SEC63: variants seen among roughly 807,000 people sequenced by gnomAD.
SEC63 encodes the protein translocation protein SEC63 homolog.
In SEC63, 56 loss-of-function variants were observed where a neutral mutation model predicts 116.2. The ratio of observed to expected loss-of-function variants is 0.48; its 90% CI spans 0.39 to 0.60. The LOEUF is 0.60. Among genes scored for constraint, SEC63 ranks in the 20% least tolerant of loss-of-function variants. The probability of loss-of-function intolerance (pLI) is 0.00; values close to 1 mark genes in which losing one functional copy is unlikely to be tolerated. For synonymous variants in SEC63, 273 were observed against 294.6 expected (o/e 0.93, Z 0.75); for missense variants, 668 against 900.0 (o/e 0.74, Z 3.30).
chr6:107,871,655 CA>C lies in SEC63; in HGVS notation c.*48del, dbSNP rs745633662. On this transcript the variant is annotated 3_prime_UTR_variant, in exon 21 of 21. Transcript: ENST00000369002. ...GGTTTATGATACACTTCCAAAACAG[CA>C]AAAAATTGCAAATATGTGCAAACAC... 8.1e-6 allele frequency: 13 copies of C among 1,602,800 alleles called. No individual in the cohort carries two copies. The highest frequency in any genetic ancestry group is 1.0e-5 in the Non-Finnish European group (12 of 1,172,868).
intron 17 of SEC63, 67 bp from the exon 18 acceptor site, chr6:107,881,317 G>A (rs1218419710): frequency 5.4e-6 from 6 of 1,114,116 alleles, no homozygotes; most frequent in Admixed American, 3.4e-5. Context: ...GGATTTCCAG[G>A]TATTATTCCT....
rs549693111 is a variant in SEC63, at chr6:107,889,897, G to A, written c.1674+3585C>T. ...TCCATGTAGTTGTGCAGTTCTGAGC[G>A]AGTTTCCTAATCCTGAGTTCTAGTT... On this transcript the variant is annotated intron_variant, in intron 16 of 20. Coordinates refer to ENST00000369002, the MANE Select transcript of SEC63 (RefSeq NM_007214.5). 5.9e-5 allele frequency among the ~76,000 whole-genome samples: 9 copies of A among 152,286 alleles called. No individual in the cohort carries two copies. In the South Asian group the frequency reaches 6.2e-4, roughly 11 times the overall value.
intron 8 of SEC63, among the ~76,000 whole-genome samples, chr6:107,908,110 A>T (rs1263175590): frequency 6.6e-6 from 1 of 152,234 alleles, no homozygotes; most frequent in Non-Finnish European, 1.5e-5. Flanking sequence ...AGTCTCTCTC[A>T]TTACTAAGAA....
chr6:107,905,334 T>A (rs142432396), intron 10 of SEC63, among the ~76,000 whole-genome samples: 3 of 152,220 alleles, frequency 2.0e-5, no homozygotes, highest in Non-Finnish European at 4.4e-5. Context: ...GCCTAAATAG[T>A]GCTCCTTCAT....
At chr6:107,871,877 G>A in intron 20 of SEC63, 30 bp from the exon 21 acceptor site, 2 of 1,610,022 alleles carry the variant, frequency 1.2e-6, no homozygotes, top group Non-Finnish European at 1.7e-6. Flanking sequence ...GTAGACATCA[G>A]AAATTTGGGG....
At chr6:107,901,847 CA>C (rs1211081140) in intron 12 of SEC63, among the ~76,000 whole-genome samples, 1 of 151,920 alleles carries the variant, frequency 6.6e-6, no homozygotes, top group Non-Finnish European at 1.5e-5. Flanking sequence ...ATTTTAATAA[CA>C]AAAACCTTTA....
At chr6:107,935,491 C>T (rs1190624901) in intron 1 of SEC63, among the ~76,000 whole-genome samples, 1 of 149,300 alleles carries the variant, frequency 6.7e-6, no homozygotes, top group Admixed American at 6.7e-5. Flanking sequence ...GTGACCTTAC[C>T]CCCAACCCTG....
At chr6:107,878,118 T>G (rs532351940) in intron 18 of SEC63, among the ~76,000 whole-genome samples, 3 of 152,236 alleles carry the variant, frequency 2.0e-5, no homozygotes, top group Non-Finnish European at 4.4e-5. Flanking sequence ...CTAATAAAAC[T>G]TTATTTACAA....
intron 2 of SEC63, among the ~76,000 whole-genome samples, chr6:107,926,250 G>A (rs1235254705): frequency 6.6e-6 from 1 of 152,134 alleles, no homozygotes; most frequent in East Asian, 1.9e-4. Flanking sequence ...AGTGCATAAA[G>A]TAATTATCTT....
intron 1 of SEC63, among the ~76,000 whole-genome samples, chr6:107,941,658 G>A (rs1770378559): frequency 6.6e-6 from 1 of 152,222 alleles, no homozygotes; most frequent in South Asian, 2.1e-4. Context: ...AAAGGAGACA[G>A]GAGAGTTGGC....
At chr6:107,927,058 G>C (rs1310781409) in intron 2 of SEC63, among the ~76,000 whole-genome samples, 1 of 152,058 alleles carries the variant, frequency 6.6e-6, no homozygotes, top group Non-Finnish European at 1.5e-5. Flanking sequence ...TTAACTTCAA[G>C]TGTCATCTTT....
chr6:107,922,404 G>C (rs1787579615), intron 3 of SEC63, among the ~76,000 whole-genome samples: 1 of 152,230 alleles, frequency 6.6e-6, no homozygotes, highest in African/African-American at 2.4e-5. Context: ...TACTTGGGAA[G>C]GTGAAGCAGG....
At chr6:107,954,629 G>A (rs1000130790) in intron 1 of SEC63, 2 of 152,076 alleles carry the variant, frequency 1.3e-5, no homozygotes, top group Admixed American at 1.3e-4. Flanking sequence ...GTGAGATAAA[G>A]ATTATTCAGT....
chr6:107,952,840 C>T (rs1324659001), intron 1 of SEC63, among the ~76,000 whole-genome samples: 2 of 152,206 alleles, frequency 1.3e-5, no homozygotes, highest in Admixed American at 1.3e-4. Flanking sequence ...CTTTCATGCA[C>T]ATGCTATCTC....
chr6:107,934,638 G>T (rs1010539500), intron 1 of SEC63, among the ~76,000 whole-genome samples: 2 of 137,994 alleles, frequency 1.4e-5, no homozygotes, highest in African/African-American at 5.5e-5. Context: ...TCAGCCCCCC[G>T]CCAGGCCAGC....
In SEC63 at chr6:107,870,686, A is replaced by T. The variant is rs1786110792; in HGVS notation, c.*1018T>A. The T allele has an allele frequency of 6.6e-6, 1 of 152,170 alleles. No homozygotes were observed. The highest frequency in any genetic ancestry group is 1.5e-5 in the Non-Finnish European group (1 of 68,034). 9.4% of individuals were successfully genotyped at this position (152,170 alleles called of 1,614,324 possible). A position where few individuals can be genotyped will look rare whatever the true frequency, so the allele number is the denominator to read the frequency against. ...TAGCAGTAATGTACAATACTATTCA[A>T]TCTTTAGTTGAAAAATAAAGAAGTG... On this transcript the variant is annotated 3_prime_UTR_variant, in exon 21 of 21. Coordinates refer to ENST00000369002, the MANE Select transcript of SEC63 (RefSeq NM_007214.5).
intron 14 of SEC63, among the ~76,000 whole-genome samples, chr6:107,895,349 C>T (rs1404909150): frequency 6.6e-6 from 1 of 152,136 alleles, no homozygotes; most frequent in African/African-American, 2.4e-5. Flanking sequence ...GAGTCCATGA[C>T]AAATGCTTCC....
intron 2 of SEC63, among the ~76,000 whole-genome samples, chr6:107,928,032 G>T (rs1787715671): frequency 6.6e-6 from 1 of 152,052 alleles, no homozygotes. Context: ...TTTCTGTCTT[G>T]CTGCTTTAGG....
intron 1 of SEC63, among the ~76,000 whole-genome samples, chr6:107,935,242 G>A (rs934815141): frequency 1.3e-5 from 2 of 151,726 alleles, no homozygotes; most frequent in African/African-American, 2.4e-5. Context: ...CGCCCCTACT[G>A]GGAAGTGAGG....
Sources: gnomAD v4.1 joint callset for allele counts (sites outside exome capture counted in the v4.1 genomes callset) on GRCh38, gnomAD v4.1.1 for gene constraint, MANE v1.5 for transcripts, NCBI Gene and HGNC (gene_info 2026-07-23, HGNC 2026-07-21) for gene names.